MAF: variants seen among roughly 807,000 people sequenced by gnomAD.
MAF encodes transcription factor Maf.
Under a neutral mutation model 22.0 loss-of-function variants are expected in MAF, and 10 were observed. The ratio of observed to expected loss-of-function variants is 0.45; its 90% confidence interval spans 0.28 to 0.77. The LOEUF (loss-of-function observed/expected upper bound fraction) is 0.77, where lower values mean the gene tolerates loss of function less well. Ranked by LOEUF, MAF falls within the 30% of genes least tolerant of loss-of-function variation. The probability of loss-of-function intolerance (pLI) is 0.12; values close to 1 mark genes in which losing one functional copy is unlikely to be tolerated. For synonymous variants in MAF, 337 were observed against 255.8 expected, an observed-to-expected ratio of 1.32 and a Z score of -3.03; for missense variants, 544 against 548.4, an observed-to-expected ratio of 0.99 and a Z score of 0.08.
chr16:79,397,268 A>C, the MAF span, among the ~76,000 whole-genome samples: 1 of 152,178 alleles, frequency 6.6e-6, no homozygotes, highest in African/African-American at 2.4e-5. Context: ...TTCTTGCCCA[A>C]GAGGGGGAAA....
chr16:79,302,513 G>A, the MAF span, among the ~76,000 whole-genome samples: 1 of 152,150 alleles, frequency 6.6e-6, no homozygotes, highest in Admixed American at 6.5e-5. Flanking sequence ...TTCAAATCAA[G>A]TTGCCTGGTT....
chr16:79,533,091 C>A, the MAF span, among the ~76,000 whole-genome samples: 1 of 152,138 alleles, frequency 6.6e-6, no homozygotes, highest in South Asian at 2.1e-4. Context: ...TCTTTTCTCT[C>A]TATATTTATC....
chr16:79,426,792 C>G, the MAF span, among the ~76,000 whole-genome samples: 2 of 152,156 alleles, frequency 1.3e-5, no homozygotes, highest in African/African-American at 2.4e-5. Context: ...GTGGTTTTTC[C>G]CTCTGGGTCT....
At chr16:79,263,470 T>C in the MAF span, among the ~76,000 whole-genome samples, 313 of 152,326 alleles carry the variant, frequency 2.1e-3, 1 homozygote, top group African/African-American at 7.2e-3. Flanking sequence ...GCCTGAACCA[T>C]TTGTCCTTGT....
the MAF span, among the ~76,000 whole-genome samples, chr16:79,501,381 T>G: frequency 2.0e-5 from 3 of 152,154 alleles, no homozygotes; most frequent in African/African-American, 7.2e-5. Context: ...ACAACTTTAT[T>G]TCCAAATAAG....
the MAF span, among the ~76,000 whole-genome samples, chr16:79,276,541 G>T: frequency 1.3e-5 from 2 of 152,130 alleles, no homozygotes; most frequent in African/African-American, 4.8e-5. Flanking sequence ...TTAAAATTTG[G>T]GTGGAAACCA....
the MAF span, chr16:79,212,326 G>C: frequency 1.3e-6 from 1 of 756,174 alleles, no homozygotes; most frequent in Non-Finnish European, 2.0e-6. Flanking sequence ...TCAGAACCTT[G>C]TCCCAGCCAG....
the MAF span, among the ~76,000 whole-genome samples, chr16:79,210,898 T>G: frequency 1.3e-5 from 2 of 152,210 alleles, no homozygotes; most frequent in Non-Finnish European, 2.9e-5. Context: ...TGAAGTGGGC[T>G]GGGAGGAAAT....
At chr16:79,318,049 A>G in the MAF span, among the ~76,000 whole-genome samples, 1 of 152,184 alleles carries the variant, frequency 6.6e-6, no homozygotes, top group Admixed American at 6.5e-5. Flanking sequence ...AGGAGTAAGG[A>G]GAATATGCTC....
chr16:79,354,898 G>C, the MAF span, among the ~76,000 whole-genome samples: 4 of 152,154 alleles, frequency 2.6e-5, no homozygotes, highest in African/African-American at 7.2e-5. Context: ...GAAATCCAGA[G>C]AGATAGTGTC....
chr16:79,355,436 T>A, the MAF span, among the ~76,000 whole-genome samples: 4 of 152,166 alleles, frequency 2.6e-5, no homozygotes, highest in Non-Finnish European at 5.9e-5. Flanking sequence ...GAGAAGTGGC[T>A]CTGAGGTCCT....
At chr16:79,555,608 A>G in the MAF span, among the ~76,000 whole-genome samples, 3 of 152,208 alleles carry the variant, frequency 2.0e-5, no homozygotes, top group Non-Finnish European at 2.9e-5. Flanking sequence ...TTGAAGTCCA[A>G]AATGCTCCAA....
chr16:79,386,229 T>C, the MAF span, among the ~76,000 whole-genome samples: 1 of 152,196 alleles, frequency 6.6e-6, no homozygotes, highest in South Asian at 2.1e-4. Flanking sequence ...TACTGGAATA[T>C]ATAATAAAAC....
chr16:79,231,522 G>A, the MAF span, among the ~76,000 whole-genome samples: 1 of 152,012 alleles, frequency 6.6e-6, no homozygotes, highest in African/African-American at 2.4e-5. Flanking sequence ...ATTCAAATGT[G>A]AATTTTCTTA....
At chr16:79,597,340 A>C (rs943725500) in intron 1 of MAF, 1 of 1,040,944 alleles carries the variant, frequency 9.6e-7, no homozygotes, top group African/African-American at 1.7e-5. Flanking sequence ...TCCACATTTG[A>C]CAATGACCAA....
the MAF span, among the ~76,000 whole-genome samples, chr16:79,433,480 G>A: frequency 4.6e-5 from 7 of 151,966 alleles, no homozygotes; most frequent in Non-Finnish European, 8.8e-5. Flanking sequence ...ATGTGGCTCT[G>A]AGCTTCTTGG....
At chr16:79,345,888 T>A in the MAF span, among the ~76,000 whole-genome samples, 3 of 146,124 alleles carry the variant, frequency 2.1e-5, no homozygotes, top group African/African-American at 7.8e-5. Flanking sequence ...TGTTTACTTA[T>A]TTTTTTTTTG....
chr16:79,303,387 AG>A, the MAF span, among the ~76,000 whole-genome samples: 1 of 152,220 alleles, frequency 6.6e-6, no homozygotes, highest in Non-Finnish European at 1.5e-5. Context: ...GGGAAGTTAA[AG>A]GCACTGCCTA....
At chr16:79,550,126 C>T in the MAF span, among the ~76,000 whole-genome samples, 17 of 152,118 alleles carry the variant, frequency 1.1e-4, no homozygotes, top group Admixed American at 1.1e-3. Flanking sequence ...CCCTTTTGTT[C>T]CCCCAGGGCA....
Sources: gnomAD v4.1 joint callset for allele counts (sites outside exome capture counted in the v4.1 genomes callset) on GRCh38, gnomAD v4.1.1 for gene constraint, MANE v1.5 for transcripts, NCBI Gene and HGNC (gene_info 2026-07-23, HGNC 2026-07-21) for gene names.